Variants in TMEM67 observed in about 807,000 individuals in gnomAD.
TMEM67 encodes the protein transmembrane protein 67, also known as meckelin.
Under a neutral mutation model 136.6 loss-of-function variants are expected in TMEM67, and 124 were observed. The ratio of observed to expected loss-of-function variants is 0.91; its 90% CI spans 0.78 to 1.05. The LOEUF is 1.05. TMEM67 is among the 50% of genes least tolerant of loss of function. TMEM67 has a pLI of 0.00. For missense variants in TMEM67, 1,107 were observed against 1,178.4 expected, an observed-to-expected ratio of 0.94 and a Z score of 0.89; for synonymous variants, 364 against 390.5, an observed-to-expected ratio of 0.93 and a Z score of 0.80.
intron 9 of TMEM67, 129 bp downstream of exon 9, chr8:93,781,111 C>T: frequency 1.4e-6 from 1 of 690,974 alleles, no homozygotes; most frequent in Non-Finnish European, 2.6e-6. Flanking sequence ...ATATAAATGT[C>T]AACAACTCAT....
intron 16 of TMEM67, among the ~76,000 whole-genome samples, chr8:93,793,899 T>G (rs1482836832): frequency 6.6e-6 from 1 of 152,100 alleles, no homozygotes; most frequent in Non-Finnish European, 1.5e-5. Context: ...TTTTTTGTTG[T>G]TGTTTTTTTG....
At chr8:93,762,621 T>C (rs1263825615) in intron 3 of TMEM67, among the ~76,000 whole-genome samples, 4 of 152,158 alleles carry the variant, frequency 2.6e-5, no homozygotes, top group Non-Finnish European at 5.9e-5. Flanking sequence ...ATTGAAAATA[T>C]TAACTTGATT....
At chr8:93,799,087 T>C (rs1454871217) in intron 20 of TMEM67, among the ~76,000 whole-genome samples, 1 of 152,112 alleles carries the variant, frequency 6.6e-6, no homozygotes, top group Non-Finnish European at 1.5e-5. Context: ...CACCTTTTAC[T>C]GTAAAACTTC....
At chr8:93,805,865 G>A (rs1402600570) in intron 23 of TMEM67, among the ~76,000 whole-genome samples, 3 of 152,060 alleles carry the variant, frequency 2.0e-5, no homozygotes, top group Admixed American at 1.3e-4. Flanking sequence ...TTATAATGAG[G>A]GATCAGGTTG....
At chr8:93,761,516 G>T (rs753885361) in intron 3 of TMEM67, among the ~76,000 whole-genome samples, 1 of 152,208 alleles carries the variant, frequency 6.6e-6, no homozygotes, top group Non-Finnish European at 1.5e-5. Context: ...TATGCCTGAA[G>T]AAGTGTTGAA....
intron 14 of TMEM67, among the ~76,000 whole-genome samples, chr8:93,788,402 A>C (rs1366994960): frequency 6.6e-6 from 1 of 152,114 alleles, no homozygotes; most frequent in African/African-American, 2.4e-5. Context: ...GTCTTTACTG[A>C]AAATACAAAA....
rs893095669 is a variant in TMEM67 at position 93,808,044 on chromosome 8, T to C, written c.2440-796T>C. On this transcript the variant is annotated intron_variant, in intron 23 of 27. Coordinates refer to ENST00000453321, the MANE Select transcript of TMEM67 (RefSeq NM_153704.6). ...AATGTTTAGAAAACAAAAAAGATCA[T>C]TTGCAATTATAAGACTAGTTAACTC... 2.6e-5 allele frequency among the ~76,000 whole-genome samples: 4 copies of C among 151,660 alleles called. 1 individual carries two copies. Among genetic ancestry groups the C allele is most frequent in the Admixed American group, 1.3e-4 (2 of 15,190 alleles).
At chr8:93,760,347 T>C (rs1365200882) in intron 3 of TMEM67, among the ~76,000 whole-genome samples, 14 of 152,166 alleles carry the variant, frequency 9.2e-5, no homozygotes, top group Non-Finnish European at 1.3e-4. Flanking sequence ...TCAGAATAGA[T>C]TCAATTCATA....
chr8:93,755,524 A>G (rs1426695872), intron 1 of TMEM67, among the ~76,000 whole-genome samples: 13 of 152,028 alleles, frequency 8.6e-5, no homozygotes, highest in Non-Finnish European at 1.5e-5. Flanking sequence ...TCTCCATTTT[A>G]TTGTAGAGGA....
At chr8:93,819,216 T>C (rs1242394492), downstream of TMEM67, 2 of 436,756 alleles carry the variant, frequency 4.6e-6, no homozygotes, top group Admixed American at 5.3e-5. Flanking sequence ...GCTAATAAAT[T>C]AATAATATGA....
intron 22 of TMEM67, among the ~76,000 whole-genome samples, chr8:93,803,901 G>T (rs1341257572): frequency 1.3e-5 from 2 of 149,696 alleles, no homozygotes; most frequent in Non-Finnish European, 3.0e-5. Context: ...TTTTGAAACG[G>T]TCTTGCTCCA....
At chr8:93,807,983 A>G (rs1045548338) in intron 23 of TMEM67, among the ~76,000 whole-genome samples, 17 of 151,832 alleles carry the variant, frequency 1.1e-4, no homozygotes, top group African/African-American at 1.2e-4. Flanking sequence ...ATGTATCACT[A>G]TGTTTTATTG....
intron 27 of TMEM67, among the ~76,000 whole-genome samples, chr8:93,815,787 A>G (rs1808882753): frequency 6.6e-6 from 1 of 151,970 alleles, no homozygotes; most frequent in Non-Finnish European, 1.5e-5. Context: ...GTTAAGTAAC[A>G]AAAAAACAAG....
intron 3 of TMEM67, among the ~76,000 whole-genome samples, 167 bp from the exon 4 acceptor site, chr8:93,763,675 C>T (rs976192983): frequency 6.6e-6 from 1 of 152,072 alleles, no homozygotes; most frequent in Non-Finnish European, 1.5e-5. Context: ...GATCACTTCT[C>T]TACACTTTAT....
chr8:93,783,892 C>T (rs796490438), intron 11 of TMEM67, among the ~76,000 whole-genome samples: 35 of 152,310 alleles, frequency 2.3e-4, no homozygotes, highest in Middle Eastern at 3.4e-3. Flanking sequence ...TACCTCCCTC[C>T]GGGTCCTTCC....
chr8:93,790,361 T>C (rs1345153748), intron 14 of TMEM67, among the ~76,000 whole-genome samples: 1 of 152,224 alleles, frequency 6.6e-6, no homozygotes, highest in Non-Finnish European at 1.5e-5. Context: ...TCCCTTCCTC[T>C]CTTCCTAAAC....
downstream of TMEM67, among the ~76,000 whole-genome samples, chr8:93,821,837 AAC>A (rs1382037819): frequency 6.6e-6 from 1 of 152,168 alleles, no homozygotes; most frequent in East Asian, 1.9e-4. Context: ...AATTGTAGTA[AAC>A]CAAGATCACA....
intron 16 of TMEM67, among the ~76,000 whole-genome samples, chr8:93,793,501 GC>G (rs1228530986): frequency 6.6e-6 from 1 of 152,068 alleles, no homozygotes; most frequent in Admixed American, 6.5e-5. Context: ...ATTCCCACCA[GC>G]AATGCTCTTC....
At chr8:93,808,345 A>G (rs1815252704) in intron 23 of TMEM67, among the ~76,000 whole-genome samples, 1 of 138,324 alleles carries the variant, frequency 7.2e-6, no homozygotes, top group Non-Finnish European at 1.5e-5. Context: ...ATAAATATAT[A>G]TATTTATTAT....
Sources: allele counts gnomAD v4.1 joint callset (sites outside exome capture counted in the v4.1 genomes callset), GRCh38; gene constraint gnomAD v4.1.1; transcripts MANE v1.5; gene names NCBI Gene and HGNC (gene_info 2026-07-23, HGNC 2026-07-21).